The following GMEB1 variants were observed in gnomAD, a reference collection of about 807,000 sequenced individuals.
GMEB1 encodes glucocorticoid modulatory element-binding protein 1.
Under a neutral mutation model 52.4 loss-of-function variants are expected in GMEB1, and 6 were observed. That is an observed-to-expected ratio of 0.11 (90% CI 0.06 to 0.23). The LOEUF is 0.23. Ranked by LOEUF, GMEB1 falls within the 10% of genes least tolerant of loss-of-function variation. The pLI is 1.00. For synonymous variants in GMEB1, 255 were observed against 244.9 expected, an observed-to-expected ratio of 1.04 and a Z score of -0.38; for missense variants, 486 against 685.6, an observed-to-expected ratio of 0.71 and a Z score of 3.25.
chr1:28,699,987 A>G (rs1670415083), intron 6 of GMEB1, among the ~76,000 whole-genome samples: 1 of 149,152 alleles, frequency 6.7e-6, no homozygotes, highest in Non-Finnish European at 1.5e-5. Flanking sequence ...AGGTGGGAAG[A>G]TCACGTATCA....
intron 1 of GMEB1, among the ~76,000 whole-genome samples, chr1:28,676,362 G>T (rs1481761875): frequency 2.6e-5 from 4 of 152,004 alleles, no homozygotes; most frequent in Non-Finnish European, 5.9e-5. Flanking sequence ...CAACATGATG[G>T]CATAAGTGAA....
chr1:28,711,828 G>A (rs1438177238), intron 9 of GMEB1, among the ~76,000 whole-genome samples: 1 of 152,078 alleles, frequency 6.6e-6, no homozygotes, highest in Non-Finnish European at 1.5e-5. Flanking sequence ...ATGTGTAGGG[G>A]TTTTTCTGCA....
intron 4 of GMEB1, among the ~76,000 whole-genome samples, chr1:28,692,381 A>G (rs1452758775): frequency 6.6e-6 from 1 of 152,008 alleles, no homozygotes; most frequent in Non-Finnish European, 1.5e-5. Flanking sequence ...AAAATACAAA[A>G]ATTAGCTGGA....
chr1:28,695,780 A>G (rs1670172475), intron 5 of GMEB1, among the ~76,000 whole-genome samples: 1 of 144,504 alleles, frequency 6.9e-6, no homozygotes, highest in East Asian at 2.1e-4. Flanking sequence ...CTACTAAAAA[A>G]TACAAAAAAT....
intron 5 of GMEB1, among the ~76,000 whole-genome samples, chr1:28,695,206 C>T (rs1670144139): frequency 6.6e-6 from 1 of 150,918 alleles, no homozygotes; most frequent in Non-Finnish European, 1.5e-5. Flanking sequence ...ACCTCAAATG[C>T]TCTGCCCACC....
chr1:28,692,156 G>T (rs1271244141), intron 4 of GMEB1, among the ~76,000 whole-genome samples: 1 of 151,770 alleles, frequency 6.6e-6, no homozygotes. Context: ...GACCACAGGT[G>T]TGCACCACTG....
intron 1 of GMEB1, among the ~76,000 whole-genome samples, chr1:28,673,628 A>C (rs1669004285): frequency 6.6e-6 from 1 of 152,190 alleles, no homozygotes; most frequent in South Asian, 2.1e-4. Flanking sequence ...CACAAAAATG[A>C]ATTTAGAGTG....
At chr1:28,703,620 A>T (rs995560572) in intron 7 of GMEB1, among the ~76,000 whole-genome samples, 11 of 152,098 alleles carry the variant, frequency 7.2e-5, no homozygotes, top group Non-Finnish European at 1.2e-4. Context: ...ATATCACGCC[A>T]TTGCACTCCA....
intron 9 of GMEB1, among the ~76,000 whole-genome samples, chr1:28,713,384 G>A (rs188793424): frequency 1.1e-4 from 16 of 152,248 alleles, no homozygotes; most frequent in African/African-American, 3.6e-4. Context: ...GGTCACCTAG[G>A]GTTGGACTGG....
intron 1 of GMEB1, among the ~76,000 whole-genome samples, chr1:28,669,579 AG>A (rs1668789126): frequency 6.6e-6 from 1 of 152,042 alleles, no homozygotes; most frequent in African/African-American, 2.4e-5. Context: ...AGGAGCTCTA[AG>A]GGGAAGTGAG....
At chr1:28,701,909 A>C (rs1318635751) in intron 6 of GMEB1, among the ~76,000 whole-genome samples, 2 of 152,192 alleles carry the variant, frequency 1.3e-5, no homozygotes, top group African/African-American at 4.8e-5. Context: ...CCCTCTGTGA[A>C]TCTGCTATAC....
chr1:28,710,479 A>G, intron 8 of GMEB1, 41 bp from the exon 9 acceptor site: 1 of 1,512,324 alleles, frequency 6.6e-7, no homozygotes. Context: ...GGTGGAACAT[A>G]TCTGTTTTAA....
chr1:28,679,755 A>G (rs528272760), intron 1 of GMEB1, among the ~76,000 whole-genome samples: 1 of 151,888 alleles, frequency 6.6e-6, no homozygotes, highest in Admixed American at 6.6e-5. Flanking sequence ...TCCCTCCCAG[A>G]TAGGAAGGCA....
intron 1 of GMEB1, among the ~76,000 whole-genome samples, chr1:28,683,333 C>T (rs181589778): frequency 3.0e-4 from 45 of 152,196 alleles, no homozygotes; most frequent in Admixed American, 1.2e-3. Context: ...TCAAGCGATT[C>T]TCCTTCCTCA....
rs114632118 is a variant in GMEB1 at position 28,711,952 on chromosome 1, C to T, written c.991+1310C>T. ...CAGATCACACAGGTGAGGCTCAGTC[C>T]CAAAAGACTGCCTCCCATTCAGCCC... On this transcript the variant is annotated intron_variant, in intron 9 of 9. Transcript: ENST00000373816. Among the ~76,000 whole-genome samples, 1,183 of 152,206 alleles carry T rather than the reference C, an allele frequency of 7.8e-3. 9 individuals carry two copies. The highest frequency in any genetic ancestry group is 0.026 in the African/African-American group (1,083 of 41,524).
At position 28,702,563 on chromosome 1, in the gene GMEB1, A is replaced by G. The variant is rs1670567741; in HGVS notation, c.724A>G (p.Ile242Val). ...EEGVKKDSEE[I>V]SEDTLMFWKG... ...GGGTGTAAAGAAAGACTCAGAGGAA[A>G]TTTCAGGTATTCTTCTATAGGGCTC... is the stretch of plus-strand genomic sequence containing the variant. The change falls in exon 7 of 10, where the codon ATT becomes GTT. Residue 242 changes from isoleucine (I) to valine (V), a missense_variant. Physicochemically the swap from Ile to Val is conservative, Grantham distance 29 (BLOSUM62 3). Around this residue, in one of 5 missense-constraint regions of GMEB1, gnomAD observed 200 missense variants for 253.5 expected, o/e 0.79. Coordinates refer to ENST00000373816, the MANE Select transcript of GMEB1 (RefSeq NM_001319674.2). 1 of 1,613,064 alleles carries G rather than the reference A, an allele frequency of 6.2e-7. No homozygotes were observed. Among genetic ancestry groups the G allele is most frequent in the African/African-American group, 1.3e-5 (1 of 74,850 alleles).
In GMEB1 at chr1:28,687,373, C is replaced by CAAAAAAAA. The variant is rs1319753146; in HGVS notation, c.129-2730_129-2729insAAAAAAAA. ...ACACACACACACACACACACACACA[C>CAAAAAAAA]ACACACACACACACAAAAAAAGACA... On this transcript the variant is annotated intron_variant, in intron 2 of 9. Coordinates refer to ENST00000373816, the MANE Select transcript of GMEB1 (RefSeq NM_001319674.2). Among the ~76,000 whole-genome samples the CAAAAAAAA allele has an allele frequency of 3.4e-3, 82 of 23,920 alleles. 19 individuals carry two copies. Among genetic ancestry groups the CAAAAAAAA allele is most frequent in the African/African-American group, 0.018 (80 of 4,494 alleles). 15.7% of individuals were successfully genotyped at this position (23,920 alleles called of 152,430 possible). A position where few individuals can be genotyped will look rare whatever the true frequency, so the allele number is the denominator to read the frequency against.
At chr1:28,692,690 T>A (rs1229134291) in intron 4 of GMEB1, among the ~76,000 whole-genome samples, 2 of 152,156 alleles carry the variant, frequency 1.3e-5, no homozygotes, top group African/African-American at 2.4e-5. Context: ...ATAAATGGAT[T>A]TTAGATATTT....
chr1:28,668,405 G>A (rs920369660), upstream of GMEB1, among the ~76,000 whole-genome samples: 2 of 152,078 alleles, frequency 1.3e-5, no homozygotes, highest in Non-Finnish European at 2.9e-5. Flanking sequence ...AACTTGAAGG[G>A]TCCGATAAGA....
Sources: allele counts gnomAD v4.1 joint callset (sites outside exome capture counted in the v4.1 genomes callset), GRCh38; gene constraint gnomAD v4.1.1; regional missense constraint gnomAD v4.1.1; transcripts MANE v1.5; gene names NCBI Gene and HGNC (gene_info 2026-07-23, HGNC 2026-07-21).